RFX2: variants seen among roughly 807,000 people sequenced by gnomAD.
RFX2 encodes DNA-binding protein RFX2.
Under a neutral mutation model 87.8 loss-of-function variants are expected in RFX2, and 20 were observed. The observed-to-expected ratio is 0.23, with a 90% CI of 0.16 to 0.33. The LOEUF (loss-of-function observed/expected upper bound fraction) is 0.33, where lower values mean the gene tolerates loss of function less well. Among genes scored for constraint, RFX2 ranks in the 10% least tolerant of loss-of-function variants. RFX2 has a pLI of 1.00. For synonymous variants in RFX2, 397 were observed against 431.3 expected (o/e 0.92, Z 0.98); for missense variants, 767 against 1,012.3 (o/e 0.76, Z 3.29).
intron 2 of RFX2, among the ~76,000 whole-genome samples, chr19:6,046,158 G>T (rs1456936575): frequency 6.6e-6 from 1 of 152,144 alleles, no homozygotes; most frequent in African/African-American, 2.4e-5. Context: ...CTTCTTTATG[G>T]CTTATTTCAT....
chr19:6,099,007 A>C (rs942548008), intron 1 of RFX2, among the ~76,000 whole-genome samples: 3 of 150,772 alleles, frequency 2.0e-5, no homozygotes, highest in Non-Finnish European at 4.4e-5. Context: ...AAGGGTTAAA[A>C]TACAACTTGC....
intron 1 of RFX2, among the ~76,000 whole-genome samples, chr19:6,058,797 C>T (rs1429940804): frequency 2.0e-5 from 3 of 152,176 alleles, no homozygotes; most frequent in Non-Finnish European, 4.4e-5. Context: ...CCCTTGACAA[C>T]TGGCCTGAGA....
In RFX2 at chr19:6,044,547, G is replaced by T. The variant is rs771686644; in HGVS notation, c.91-265C>A. ...CACTCAGCCCATGCACCACACATATGCACGAATTGTGGGCACACACACACG... is the reference window on the plus strand; with the variant it reads ...CACTCAGCCCATGCACCACACATATTCACGAATTGTGGGCACACACACACG... On this transcript the variant is annotated intron_variant, in intron 2 of 17. Coordinates refer to ENST00000303657, the MANE Select transcript of RFX2 (RefSeq NM_000635.4). The surrounding 1 kb of genome is among the most constrained non-coding windows in gnomAD (Gnocchi z 5.3). Among the ~76,000 whole-genome samples, 1 of 152,210 alleles carries T rather than the reference G, an allele frequency of 6.6e-6. No individual in the cohort carries two copies. The highest frequency in any genetic ancestry group is 1.5e-5 in the Non-Finnish European group (1 of 68,036).
intron 1 of RFX2, chr19:6,073,511 C>T (rs1406845619): frequency 9.5e-6 from 7 of 734,726 alleles, no homozygotes; most frequent in African/African-American, 3.8e-5. Context: ...TGCCAGGCTG[C>T]GCAGTGAAGA....
intron 16 of RFX2, 60 bp downstream of exon 16, chr19:5,997,000 A>C (rs1376340817): frequency 6.5e-7 from 1 of 1,543,742 alleles, no homozygotes; most frequent in Non-Finnish European, 8.7e-7. Context: ...CTCAGAGCAC[A>C]CCGCCCTCTC....
intron 1 of RFX2, among the ~76,000 whole-genome samples, chr19:6,108,728 A>G (rs1448510453): frequency 6.6e-6 from 1 of 152,176 alleles, no homozygotes; most frequent in Admixed American, 6.5e-5. Flanking sequence ...TAAGGCAGCC[A>G]GCCCTGGGTC....
intron 6 of RFX2, among the ~76,000 whole-genome samples, chr19:6,019,512 A>ATGTG (rs147877773): frequency 0.1 from 12,764 of 126,820 alleles, 675 homozygotes; most frequent in African/African-American, 0.13. Context: ...GTGTGTGAGT[A>ATGTG]TGTGTGTGTG....
At chr19:6,067,792 T>A (rs1179869926) in intron 1 of RFX2, among the ~76,000 whole-genome samples, 1 of 152,184 alleles carries the variant, frequency 6.6e-6, no homozygotes, top group Non-Finnish European at 1.5e-5. Flanking sequence ...GCAGCCTCGA[T>A]GGGTCAACAT....
intron 9 of RFX2, among the ~76,000 whole-genome samples, chr19:6,009,539 C>T (rs2086633705): frequency 6.6e-6 from 1 of 152,156 alleles, no homozygotes; most frequent in South Asian, 2.1e-4. Context: ...GCAGGCAAAT[C>T]CTGGTGCACC....
chr19:6,010,087 G>A lies in RFX2; in HGVS notation c.1015+49C>T, dbSNP rs771237427. 1 of 1,192,912 alleles carries A rather than the reference G, an allele frequency of 8.4e-7. No individual in the cohort carries two copies. The highest frequency in any genetic ancestry group is 1.2e-6 in the Non-Finnish European group (1 of 830,302). The allele number at this position is 1,192,912 out of a possible 1,614,324, so 73.9% of individuals were successfully genotyped here. A position where few individuals can be genotyped will look rare whatever the true frequency, so the allele number is the denominator to read the frequency against. On this transcript the variant is annotated intron_variant, in intron 9 of 17. Transcript: ENST00000303657. This position sits in a 1 kb window ranked among gnomAD's most constrained non-coding sequence, Gnocchi z 5.0. Reference sequence around the variant, plus strand: ...TCTGCTGGTGTTGAAACCCAGGAGTGTGGCGAGCAGATGGGAGCCCCGCCC... The same window carrying A: ...TCTGCTGGTGTTGAAACCCAGGAGTATGGCGAGCAGATGGGAGCCCCGCCC...
intron 1 of RFX2, among the ~76,000 whole-genome samples, chr19:6,078,499 C>T (rs539203696): frequency 6.6e-6 from 1 of 152,062 alleles, no homozygotes; most frequent in East Asian, 1.9e-4. Flanking sequence ...GAAGAGGTAC[C>T]GTCTCCAAGA....
chr19:6,088,637 T>C (rs918563668), intron 1 of RFX2, among the ~76,000 whole-genome samples: 1 of 152,176 alleles, frequency 6.6e-6, no homozygotes, highest in Non-Finnish European at 1.5e-5. Flanking sequence ...AAAGTAAATA[T>C]TATTCCTCTC....
rs2087163000 is a variant in RFX2, at chr19:6,044,646, T to C, written c.91-364A>G. ...CAGCTTTGCCTCTGTGGGTCTGTAG[T>C]CTGCAGCAAGGTGACACTGATCGTC... On this transcript the variant is annotated intron_variant, in intron 2 of 17. Transcript: ENST00000303657. The surrounding 1 kb of genome is among the most constrained non-coding windows in gnomAD (Gnocchi z 5.3). Among the ~76,000 whole-genome samples, 1 of 152,170 alleles carries C rather than the reference T, an allele frequency of 6.6e-6. No individual in the cohort carries two copies. Among genetic ancestry groups the C allele is most frequent in the Non-Finnish European group, 1.5e-5 (1 of 68,022 alleles).
rs188533626 is a variant in RFX2, at chr19:6,017,241, C to A, written c.598-970G>T. Among the ~76,000 whole-genome samples, 1 of 152,100 alleles carries A rather than the reference C, an allele frequency of 6.6e-6. No individual in the cohort carries two copies. Among genetic ancestry groups the A allele is most frequent in the Non-Finnish European group, 1.5e-5 (1 of 68,010 alleles). On this transcript the variant is annotated intron_variant, in intron 6 of 17. Coordinates refer to ENST00000303657, the MANE Select transcript of RFX2 (RefSeq NM_000635.4). This position sits in a 1 kb window ranked among gnomAD's most constrained non-coding sequence, Gnocchi z 4.1. ...GCAAGACTTCGTCTCTTTCAAAAAACGAAACAAAACAAAAAGATGGGCTAA... is the reference window on the plus strand; with the variant it reads ...GCAAGACTTCGTCTCTTTCAAAAAAAGAAACAAAACAAAAAGATGGGCTAA...
intron 5 of RFX2, among the ~76,000 whole-genome samples, chr19:6,031,812 T>C (rs1444467164): frequency 6.6e-6 from 1 of 151,958 alleles, no homozygotes; most frequent in Non-Finnish European, 1.5e-5. Context: ...GACAGTTTGA[T>C]GCCTCTGCAT....
chr19:5,996,894 C>T (rs546200738), intron 16 of RFX2, among the ~76,000 whole-genome samples, 166 bp downstream of exon 16: 1 of 152,350 alleles, frequency 6.6e-6, no homozygotes, highest in African/African-American at 2.4e-5. Context: ...TGTCCTGGCA[C>T]GGGTGGGCCC....
At chr19:6,005,944 TGAC>T (rs1369253957) in intron 12 of RFX2, among the ~76,000 whole-genome samples, 2 of 152,138 alleles carry the variant, frequency 1.3e-5, no homozygotes, top group African/African-American at 2.4e-5. Flanking sequence ...TCCCGCACAG[TGAC>T]GGCTCCAGGG....
chr19:6,082,841 C>T (rs2087804938), intron 1 of RFX2, among the ~76,000 whole-genome samples: 1 of 152,176 alleles, frequency 6.6e-6, no homozygotes, highest in Non-Finnish European at 1.5e-5. Context: ...GCACTCAGCG[C>T]TTTTCAGAGC....
Position 6,039,480 on chromosome 19 carries a change from C to T in RFX2, c.522+500G>A, listed in dbSNP as rs1017090785. Among the ~76,000 whole-genome samples the T allele has an allele frequency of 5.3e-5, 8 of 152,160 alleles. No individual in the cohort carries two copies. The highest frequency in any genetic ancestry group is 1.9e-4 in the African/African-American group (8 of 41,430). On this transcript the variant is annotated intron_variant, in intron 5 of 17. Transcript: ENST00000303657. The surrounding 1 kb of genome is among the most constrained non-coding windows in gnomAD (Gnocchi z 5.2). The stretch of plus-strand genomic sequence containing the variant: ...AAGGAAAATAAATGAAAAGTAAACA[C>T]GGGTAATCGAGTTTTAAATGTAGAG...
Sources: gnomAD v4.1 joint callset for allele counts (sites outside exome capture counted in the v4.1 genomes callset) on GRCh38, gnomAD v4.1.1 for gene constraint, Gnocchi (gnomAD v3.1) non-coding constraint, MANE v1.5 for transcripts, NCBI Gene and HGNC (gene_info 2026-07-23, HGNC 2026-07-21) for gene names.